Variants in CRYZL1 observed in about 807,000 individuals in gnomAD.
The protein encoded by CRYZL1 is ferry endosomal RAB5 effector complex subunit 4.
A neutral mutation model predicts 50.6 loss-of-function variants in CRYZL1; 34 were observed. The ratio of observed to expected loss-of-function variants is 0.67; its 90% CI spans 0.51 to 0.89. CRYZL1 has a LOEUF of 0.89. CRYZL1 is among the 40% of genes least tolerant of loss of function. The pLI, the probability that CRYZL1 is intolerant of heterozygous loss-of-function variation, is 0.00. For synonymous variants in CRYZL1, 125 were observed against 134.3 expected, an observed-to-expected ratio of 0.93 and a Z score of 0.48; for missense variants, 354 against 402.3, an observed-to-expected ratio of 0.88 and a Z score of 1.03.
chr21:33,638,387 G>T (rs533035601), intron 1 of CRYZL1, among the ~76,000 whole-genome samples: 1 of 152,058 alleles, frequency 6.6e-6, no homozygotes, highest in South Asian at 2.1e-4. Flanking sequence ...TAATTTTTTT[G>T]TATCTTTAGT....
At chr21:33,638,371 C>T (rs2087235868) in intron 1 of CRYZL1, among the ~76,000 whole-genome samples, 2 of 152,082 alleles carry the variant, frequency 1.3e-5, no homozygotes, top group South Asian at 2.1e-4. Context: ...CGCTACCACA[C>T]CCAGCTAATT....
chr21:33,629,387 G>A (rs1399121691), intron 2 of CRYZL1, among the ~76,000 whole-genome samples: 3 of 152,102 alleles, frequency 2.0e-5, no homozygotes, highest in African/African-American at 7.2e-5. Context: ...TCAGCCTCCC[G>A]AGTAACTGGG....
intron 6 of CRYZL1, among the ~76,000 whole-genome samples, chr21:33,608,521 T>C (rs933472999): frequency 6.6e-6 from 1 of 152,160 alleles, no homozygotes; most frequent in African/African-American, 2.4e-5. Flanking sequence ...CCTTTGTCCA[T>C]CAACACTCCA....
intron 1 of CRYZL1, chr21:33,641,347 T>C (rs937579917): frequency 3.1e-5 from 48 of 1,527,218 alleles, no homozygotes; most frequent in Non-Finnish European, 4.2e-5. Context: ...ACTCAAATTC[T>C]AGGAACAAGA....
rs1164655798 is a variant in CRYZL1, at chr21:33,621,151, C to T, written c.217+845G>A. Among the ~76,000 whole-genome samples, 12 of 149,108 alleles carry T rather than the reference C, an allele frequency of 8.0e-5. No individual in the cohort carries two copies. The East Asian group carries it at 1.0e-3, about 13-fold the overall frequency. Reference sequence around the variant, plus strand: ...CGATCTCCTGACCTCGTGATCCGCCCGCCTCGGCCTCCCAAAGTGCTGGGA... The same window carrying T: ...CGATCTCCTGACCTCGTGATCCGCCTGCCTCGGCCTCCCAAAGTGCTGGGA... On this transcript the variant is annotated intron_variant, in intron 4 of 12. Coordinates refer to ENST00000381554, the MANE Select transcript of CRYZL1 (RefSeq NM_145858.3).
Position 33,599,227 on chromosome 21 carries a change from T to C in CRYZL1, c.599A>G (p.Asn200Ser), listed in dbSNP as rs372289371. 3 of 1,613,702 alleles carry C rather than the reference T, an allele frequency of 1.9e-6. No homozygotes were observed. The African/African-American group carries it at 4.0e-5, about 22-fold the overall frequency. The stretch of plus-strand genomic sequence containing the variant: ...GCTTTCAGCAACATGAACTTTCCCA[T>C]TAGATACATCAATCACTCGGGCTGT... ...PPIARVIDVS[N>S]GKVHVAESCL... The change falls in exon 9 of 13, where the codon AAT becomes AGT. Residue 200 changes from asparagine to serine, a missense_variant. Coordinates refer to ENST00000381554, the MANE Select transcript of CRYZL1 (RefSeq NM_145858.3).
chr21:33,599,716 T>C (rs1166419940), intron 8 of CRYZL1, among the ~76,000 whole-genome samples: 1 of 152,056 alleles, frequency 6.6e-6, no homozygotes, highest in Non-Finnish European at 1.5e-5. Context: ...AGTGCAGCCT[T>C]GAACTCCTGG....
Position 33,641,687 on chromosome 21 carries a change from C to G in CRYZL1, c.-13G>C, listed in dbSNP as rs1442949339. The G allele has an allele frequency of 5.9e-6, 1 of 170,888 alleles. No homozygotes were observed. The highest frequency in any genetic ancestry group is 1.3e-5 in the Non-Finnish European group (1 of 79,044). The allele number at this position is 170,888 out of a possible 1,614,324, so 10.6% of individuals were successfully genotyped here. On this transcript the variant is annotated 5_prime_UTR_variant, in exon 1 of 13. Coordinates refer to ENST00000381554, the MANE Select transcript of CRYZL1 (RefSeq NM_145858.3). ...CGCGTTTCCCGGGGCTCACCTGCCT[C>G]TGAGCCGCCCCAACGGCCTGCACCT...
intron 2 of CRYZL1, among the ~76,000 whole-genome samples, chr21:33,630,380 G>C (rs1295999029): frequency 6.6e-6 from 1 of 152,162 alleles, no homozygotes; most frequent in Non-Finnish European, 1.5e-5. Flanking sequence ...GAGGTCGGGG[G>C]TTTGAGACCA....
intron 6 of CRYZL1, 84 bp from the exon 7 acceptor site, chr21:33,603,621 A>C: frequency 6.6e-7 from 1 of 1,504,186 alleles, no homozygotes; most frequent in East Asian, 2.3e-5. Flanking sequence ...CATCTCTAGT[A>C]CTACTATGGC....
At position 33,603,392 on chromosome 21, in the gene CRYZL1, A is replaced by G. The variant is rs192465556; in HGVS notation, c.465+12T>C. 2,950 of 1,613,494 alleles carry G rather than the reference A, an allele frequency of 1.8e-3. 2 individuals are homozygous for G. Among genetic ancestry groups the G allele is most frequent in the Non-Finnish European group, 2.2e-3 (2,587 of 1,179,818 alleles). Reference sequence around the variant, plus strand: ...TGCTTGTCTGTTTCTTAACAAAACCATTAGCACCTACACTTGCTCCATCCA... The same window carrying G: ...TGCTTGTCTGTTTCTTAACAAAACCGTTAGCACCTACACTTGCTCCATCCA... On this transcript the variant is annotated intron_variant, in intron 7 of 12. Coordinates refer to ENST00000381554, the MANE Select transcript of CRYZL1 (RefSeq NM_145858.3).
chr21:33,597,713 C>T (rs561754513), intron 9 of CRYZL1, among the ~76,000 whole-genome samples: 140 of 152,194 alleles, frequency 9.2e-4, no homozygotes, highest in African/African-American at 3.2e-3. Context: ...CCCGGGTTCA[C>T]GCCATCCTCC....
intron 6 of CRYZL1, among the ~76,000 whole-genome samples, chr21:33,604,528 CA>C (rs34132721): frequency 0.76 from 88,465 of 115,730 alleles, 32,343 homozygotes; most frequent in East Asian, 0.93. Flanking sequence ...GACTCCGTCT[CA>C]AAAAAAAAAA....
chr21:33,595,131 T>C, intron 11 of CRYZL1: 1 of 1,039,652 alleles, frequency 9.6e-7, no homozygotes, highest in African/African-American at 1.7e-5. Flanking sequence ...AAATTGTTTG[T>C]ATATTCCAAA....
Position 33,602,243 on chromosome 21 carries a change from G to A in CRYZL1, c.568C>T (p.Pro190Ser). 1 of 1,572,242 alleles carries A rather than the reference G, an allele frequency of 6.4e-7. No individual in the cohort carries two copies. The highest frequency in any genetic ancestry group is 8.8e-7 in the Non-Finnish European group (1 of 1,141,786). Residue 190 changes from proline to serine, a missense_variant, in exon 8 of 13, where the codon CCT becomes TCT. Transcript: ENST00000381554. ...TCATAATATTACCCACCTATGGGAG[G>A]TCTGAATCTTTCAAGGCACTGCTTA... ...EDKQCLERFR[P>S]PIARVIDVSN...
intron 8 of CRYZL1, 31 bp from the exon 9 acceptor site, chr21:33,599,279 C>T: frequency 6.2e-7 from 1 of 1,613,622 alleles, no homozygotes; most frequent in Non-Finnish European, 8.5e-7. Context: ...GGCAATTGTA[C>T]TGTTCTCTAT....
intron 1 of CRYZL1, chr21:33,640,175 G>A: frequency 1.3e-6 from 2 of 1,548,626 alleles, no homozygotes; most frequent in Non-Finnish European, 1.7e-6. Context: ...TGAGCTCAAT[G>A]TAGTTCATTG....
At chr21:33,599,965 T>A (rs2145921886) in intron 8 of CRYZL1, among the ~76,000 whole-genome samples, 1 of 152,150 alleles carries the variant, frequency 6.6e-6, no homozygotes, top group African/African-American at 2.4e-5. Flanking sequence ...ATGTTCATAT[T>A]TAATAGTCTT....
chr21:33,590,579 G>A (rs779479904), intron 12 of CRYZL1, among the ~76,000 whole-genome samples: 1 of 151,602 alleles, frequency 6.6e-6, no homozygotes, highest in African/African-American at 2.4e-5. Flanking sequence ...CACGCTCAGC[G>A]AATTTTTCTA....
Sources: allele counts gnomAD v4.1 joint callset (sites outside exome capture counted in the v4.1 genomes callset), GRCh38; gene constraint gnomAD v4.1.1; transcripts MANE v1.5; gene names NCBI Gene and HGNC (gene_info 2026-07-23, HGNC 2026-07-21).